TMEM94: variants seen among roughly 807,000 people sequenced by gnomAD.
TMEM94 encodes transmembrane protein 94.
A neutral mutation model predicts 158.6 loss-of-function variants in TMEM94; 81 were observed. That is an observed-to-expected ratio of 0.51 (90% CI 0.43 to 0.61). TMEM94 has a LOEUF of 0.61. TMEM94 is among the 20% of genes least tolerant of loss of function. TMEM94 has a pLI of 0.00. For missense variants in TMEM94, 1,435 were observed against 1,762.0 expected (o/e 0.81, Z 3.32); for synonymous variants, 751 against 730.7 (o/e 1.03, Z -0.45).
rs758226499 is a variant in TMEM94, at chr17:75,497,099, C to T, written c.3322-14C>T. On this transcript the variant is annotated splice_polypyrimidine_tract_variant and intron_variant, in intron 25 of 31. Transcript: ENST00000314256. ...TGAATTGAACTGTGGCTCTTGGCTTCTTTCCTGGTCTAGTTCCTTTCTTGC... is the reference window on the plus strand; with the variant it reads ...TGAATTGAACTGTGGCTCTTGGCTTTTTTCCTGGTCTAGTTCCTTTCTTGC... 18 of 1,612,270 alleles carry T rather than the reference C, an allele frequency of 1.1e-5. No homozygotes were observed. Among genetic ancestry groups the T allele is most frequent in the South Asian group, 2.2e-5 (2 of 91,058 alleles).
rs989240111 is a variant in TMEM94 at position 75,496,082 on chromosome 17, C to T, written c.3053+8C>T. The T allele has an allele frequency of 1.3e-5, 21 of 1,601,672 alleles. No homozygotes were observed. Among genetic ancestry groups the T allele is most frequent in the Non-Finnish European group, 1.7e-5 (20 of 1,173,846 alleles). On this transcript the variant is annotated splice_region_variant and intron_variant, in intron 23 of 31. Transcript: ENST00000314256. ...CCTCCAGAGCGACATCAGGTCAGGGCGGGACCCTGGAGCCTGCGGGCCAGC... is the reference window on the plus strand; with the variant it reads ...CCTCCAGAGCGACATCAGGTCAGGGTGGGACCCTGGAGCCTGCGGGCCAGC...
Position 75,485,697 on chromosome 17 carries a change from C to T in TMEM94, c.144+150C>T, listed in dbSNP as rs2146555470. 1 of 1,349,128 alleles carries T rather than the reference C, an allele frequency of 7.4e-7. No homozygotes were observed. The highest frequency in any genetic ancestry group is 1.0e-6 in the Non-Finnish European group (1 of 983,982). The allele number at this position is 1,349,128 out of a possible 1,614,324, so 83.6% of individuals were successfully genotyped here. On this transcript the variant is annotated intron_variant, in intron 3 of 31. Transcript: ENST00000314256. The surrounding 1 kb of genome is among the most constrained non-coding windows in gnomAD (Gnocchi z 5.5). ...AATATCAGAAAGAAGCCAAGGTTCC[C>T]CTCAGAGTGGCTCCTGAGCCTGCTT...
chr17:75,498,786 A>T lies in TMEM94; in HGVS notation c.3827+64A>T, dbSNP rs2053007117. The T allele has an allele frequency of 2.6e-6, 4 of 1,528,804 alleles. No individual in the cohort carries two copies. The South Asian group carries it at 5.1e-5, about 20-fold the overall frequency. The allele number at this position is 1,528,804 out of a possible 1,614,324, so 94.7% of individuals were successfully genotyped here. On this transcript the variant is annotated intron_variant, in intron 30 of 31. Transcript: ENST00000314256. The surrounding 1 kb of genome is among the most constrained non-coding windows in gnomAD (Gnocchi z 6.7). ...GGAGGAGAGGGCCTTCTGCAGGGCTAGGATCGGAGGGCGGGACCGGGGCCA... is the reference window on the plus strand; with the variant it reads ...GGAGGAGAGGGCCTTCTGCAGGGCTTGGATCGGAGGGCGGGACCGGGGCCA...
At chr17:75,481,856 G>A (rs1158791198) in intron 2 of TMEM94, among the ~76,000 whole-genome samples, 1 of 152,212 alleles carries the variant, frequency 6.6e-6, no homozygotes, top group African/African-American at 2.4e-5. Context: ...CTTCGCAGGT[G>A]GTCCTGGAAA....
chr17:75,495,705 C>A lies in TMEM94; in HGVS notation c.2944+62C>A. The A allele has an allele frequency of 6.7e-7, 1 of 1,487,202 alleles. No individual in the cohort carries two copies. The highest frequency in any genetic ancestry group is 9.3e-7 in the Non-Finnish European group (1 of 1,069,578). The allele number at this position is 1,487,202 out of a possible 1,614,324, so 92.1% of individuals were successfully genotyped here. A position where few individuals can be genotyped will look rare whatever the true frequency, so the allele number is the denominator to read the frequency against. ...TCCCGTCGGCTGAGCTCTGCCTGGG[C>A]CTGCGTACCCCGTGGGCTCTGGAGG... On this transcript the variant is annotated intron_variant, in intron 22 of 31. Transcript: ENST00000314256. The surrounding 1 kb of genome is among the most constrained non-coding windows in gnomAD (Gnocchi z 5.6).
At chr17:75,458,707 A>G (rs576397636) in intron 1 of TMEM94, among the ~76,000 whole-genome samples, 1 of 152,036 alleles carries the variant, frequency 6.6e-6, no homozygotes, top group Admixed American at 6.6e-5. Flanking sequence ...AAAAAAAAAA[A>G]AAGAGTCATG....
At position 75,459,474 on chromosome 17, in the gene TMEM94, C is replaced by G. The variant is rs893396213; in HGVS notation, c.-107+2723C>G. On this transcript the variant is annotated intron_variant, in intron 1 of 31. Transcript: ENST00000314256. Reference sequence around the variant, plus strand: ...TTGCTAGGTGTGCCAGCTCCTAGTGCTGAGAACCAGCCTTTTGGAAACCTT... The same window carrying G: ...TTGCTAGGTGTGCCAGCTCCTAGTGGTGAGAACCAGCCTTTTGGAAACCTT... Among the ~76,000 whole-genome samples the G allele has an allele frequency of 2.0e-5, 3 of 152,204 alleles. No homozygotes were observed. In the South Asian group the frequency reaches 6.2e-4, roughly 32 times the overall value.
intron 1 of TMEM94, among the ~76,000 whole-genome samples, chr17:75,465,699 A>G (rs943171021): frequency 1.5e-5 from 2 of 134,776 alleles, no homozygotes; most frequent in Non-Finnish European, 3.1e-5. Flanking sequence ...AATCCCAAAG[A>G]CTTCAAAACT....
Position 75,495,247 on chromosome 17 carries a change from T to C in TMEM94, c.2729-37T>C. On this transcript the variant is annotated intron_variant, in intron 20 of 31. Transcript: ENST00000314256. This position sits in a 1 kb window ranked among gnomAD's most constrained non-coding sequence, Gnocchi z 5.6. Reference sequence around the variant, plus strand: ...GGGCAAGGACAGGTTCCCAGAAGGCTGGTCCCAAGGTGAGGGAGAGGCTTT... The same window carrying C: ...GGGCAAGGACAGGTTCCCAGAAGGCCGGTCCCAAGGTGAGGGAGAGGCTTT... 6.6e-7 allele frequency: 1 copy of C among 1,523,870 alleles called. No homozygotes were observed. Among genetic ancestry groups the C allele is most frequent in the East Asian group, 2.3e-5 (1 of 43,966 alleles). The allele number at this position is 1,523,870 out of a possible 1,614,324, so 94.4% of individuals were successfully genotyped here.
intron 2 of TMEM94, among the ~76,000 whole-genome samples, chr17:75,477,607 C>T (rs2050776899): frequency 1.3e-5 from 2 of 152,162 alleles, no homozygotes; most frequent in South Asian, 4.1e-4. Context: ...GGTCTAAATT[C>T]ATAACCTGTC....
chr17:75,497,761 A>G lies in TMEM94; in HGVS notation c.3408-20A>G, dbSNP rs1385682998. The G allele has an allele frequency of 1.3e-6, 2 of 1,599,676 alleles. No homozygotes were observed. The highest frequency in any genetic ancestry group is 1.3e-5 in the African/African-American group (1 of 74,660). ...AGAGGGTCATTGTCACCATCCCTCT[A>G]CCTGATCTCTGCTTTTCAGCATCTC... On this transcript the variant is annotated intron_variant, in intron 26 of 31. Coordinates refer to ENST00000314256, the MANE Select transcript of TMEM94 (RefSeq NM_014738.6).
rs765018438 is a variant in TMEM94 at position 75,489,288 on chromosome 17, T to C, written c.787T>C (p.Ser263Pro). 1.2e-6 allele frequency: 2 copies of C among 1,614,230 alleles called. No individual in the cohort carries two copies. Among genetic ancestry groups the C allele is most frequent in the Non-Finnish European group, 1.7e-6 (2 of 1,180,036 alleles). The change falls in exon 8 of 32, where the codon TCC (serine) becomes CCC (proline). Residue 263 changes from serine (S) to proline (P), a missense_variant. Transcript: ENST00000314256. The surrounding 1 kb of genome is among the most constrained non-coding windows in gnomAD (Gnocchi z 5.0). ...NIRWCLDMAL[S>P]RPVTALDNER... Reference sequence around the variant, plus strand: ...CAGATGGTGCCTGGACATGGCCCTGTCCCGACCAGTCACTGCCCTGGACAA... The same window carrying C: ...CAGATGGTGCCTGGACATGGCCCTGCCCCGACCAGTCACTGCCCTGGACAA...
chr17:75,489,758 C>G lies in TMEM94; in HGVS notation c.954+96C>G. 2 of 1,052,222 alleles carry G rather than the reference C, an allele frequency of 1.9e-6. No individual in the cohort carries two copies. Among genetic ancestry groups the G allele is most frequent in the Non-Finnish European group, 2.9e-6 (2 of 686,830 alleles). 65.2% of individuals were successfully genotyped at this position (1,052,222 alleles called of 1,614,324 possible). A position where few individuals can be genotyped will look rare whatever the true frequency, so the allele number is the denominator to read the frequency against. Reference sequence around the variant, plus strand: ...TGGCTGTCCCTCCCTCTCTGCAGCCCAGAGGTCCCCTCACGCTTCAGCTTA... The same window carrying G: ...TGGCTGTCCCTCCCTCTCTGCAGCCGAGAGGTCCCCTCACGCTTCAGCTTA... On this transcript the variant is annotated intron_variant, in intron 9 of 31. Transcript: ENST00000314256. The surrounding 1 kb of genome is among the most constrained non-coding windows in gnomAD (Gnocchi z 5.0).
intron 1 of TMEM94, among the ~76,000 whole-genome samples, chr17:75,468,477 G>A (rs1260400320): frequency 6.6e-6 from 1 of 152,212 alleles, no homozygotes; most frequent in Non-Finnish European, 1.5e-5. Context: ...ACCTTGAGCT[G>A]CAGTCGTAAG....
rs2052958237 is a variant in TMEM94 at position 75,498,407 on chromosome 17, G to A, written c.3639-37G>A. On this transcript the variant is annotated intron_variant, in intron 28 of 31. Coordinates refer to ENST00000314256, the MANE Select transcript of TMEM94 (RefSeq NM_014738.6). The surrounding 1 kb of genome is among the most constrained non-coding windows in gnomAD (Gnocchi z 6.7). ...CCCCACCCCAGCCTACCTCCCTGCGGCCCTAGAGGGGCTGAGCCCATGCCT... is the reference window on the plus strand; with the variant it reads ...CCCCACCCCAGCCTACCTCCCTGCGACCCTAGAGGGGCTGAGCCCATGCCT... 6.2e-7 allele frequency: 1 copy of A among 1,606,476 alleles called. No individual in the cohort carries two copies. Among genetic ancestry groups the A allele is most frequent in the East Asian group, 2.2e-5 (1 of 44,792 alleles).
intron 2 of TMEM94, among the ~76,000 whole-genome samples, chr17:75,477,120 G>A (rs2050736593): frequency 6.6e-6 from 1 of 152,182 alleles, no homozygotes; most frequent in African/African-American, 2.4e-5. Context: ...GAAGGACCAT[G>A]TGGGGAACTA....
rs781467216 is a variant in TMEM94 at position 75,492,742 on chromosome 17, T to C, written c.1865T>C (p.Leu622Pro). The change falls in exon 15 of 32, where the codon CTG becomes CCG. Residue 622 changes from leucine (L) to proline (P), a missense_variant. Coordinates refer to ENST00000314256, the MANE Select transcript of TMEM94 (RefSeq NM_014738.6). The surrounding 1 kb of genome is among the most constrained non-coding windows in gnomAD (Gnocchi z 4.4). ...CTGCAAGAGAGCCACAGCGCCGTGC[T>C]GCCCGTCCATGTGCCCTGGGGCCTC... Reference protein sequence around the residue: ...IALQESHSAVLPVHVPWGLCE... With the variant: ...IALQESHSAVPPVHVPWGLCE... 3.7e-6 allele frequency: 6 copies of C among 1,609,732 alleles called. No homozygotes were observed. Among genetic ancestry groups the C allele is most frequent in the Non-Finnish European group, 5.1e-6 (6 of 1,179,978 alleles).
chr17:75,483,586 A>G (rs1277229377), intron 2 of TMEM94, among the ~76,000 whole-genome samples: 1 of 151,702 alleles, frequency 6.6e-6, no homozygotes, highest in Non-Finnish European at 1.5e-5. Context: ...CAGCCACCCA[A>G]GCAGCTGGGA....
intron 1 of TMEM94, among the ~76,000 whole-genome samples, chr17:75,462,011 G>GTTTTTTTTTTTT (rs1156728166): frequency 5.5e-4 from 51 of 92,876 alleles, no homozygotes; most frequent in African/African-American, 2.2e-3. Flanking sequence ...GTTTTGTTTT[G>GTTTTTTTTTTTT]TTTTTTTTTT....
Sources: allele counts gnomAD v4.1 joint callset (sites outside exome capture counted in the v4.1 genomes callset), GRCh38; gene constraint gnomAD v4.1.1; non-coding constraint Gnocchi (gnomAD v3.1); transcripts MANE v1.5; gene names NCBI Gene and HGNC (gene_info 2026-07-23, HGNC 2026-07-21).